Variants in THBS4 observed in about 807,000 individuals in gnomAD.
THBS4 encodes thrombospondin-4.
THBS4 carries 90 observed loss-of-function variants against 115.7 expected under a neutral mutation model. The ratio of observed to expected loss-of-function variants is 0.78; its 90% confidence interval spans 0.66 to 0.93. The LOEUF (loss-of-function observed/expected upper bound fraction) is 0.93, where lower values mean the gene tolerates loss of function less well. Among genes scored for constraint, THBS4 ranks in the 40% least tolerant of loss-of-function variants. The pLI is 0.00. For synonymous variants in THBS4, 460 were observed against 479.3 expected (o/e 0.96, Z 0.53); for missense variants, 1,087 against 1,232.7 (o/e 0.88, Z 1.77).
At chr5:80,021,001 A>G (rs1423154046) in intron 2 of THBS4, among the ~76,000 whole-genome samples, 1 of 152,234 alleles carries the variant, frequency 6.6e-6, no homozygotes, top group African/African-American at 2.4e-5. Context: ...CCTAAAATTG[A>G]ATTAACACAA....
intron 2 of THBS4, among the ~76,000 whole-genome samples, chr5:80,016,967 A>G (rs372062739): frequency 6.6e-6 from 1 of 152,240 alleles, no homozygotes; most frequent in South Asian, 2.1e-4. Context: ...GATCCATTCA[A>G]TTATGTTGGT....
chr5:80,025,747 T>A (rs932888737), intron 2 of THBS4, among the ~76,000 whole-genome samples: 2 of 152,176 alleles, frequency 1.3e-5, no homozygotes, highest in Non-Finnish European at 1.5e-5. Flanking sequence ...CACCTGTCCT[T>A]CTGAGGTCCT....
chr5:80,041,870 T>G (rs1197343600), intron 2 of THBS4, among the ~76,000 whole-genome samples: 2 of 152,252 alleles, frequency 1.3e-5, no homozygotes, highest in Non-Finnish European at 2.9e-5. Context: ...GGACACTTCC[T>G]AGTGCTTCAA....
rs1743417090 is a variant in THBS4, at chr5:80,080,147, TTC to T, written c.2684+71_2684+72del. On this transcript the variant is annotated intron_variant, in intron 20 of 21. Coordinates refer to ENST00000350881, the MANE Select transcript of THBS4 (RefSeq NM_003248.6). ...ATTCTCCGTTCTGCATCCCAGAGCCTTCATTTCCCTGAGCAATTCTGACCTAG... is the reference window on the plus strand; with the variant it reads ...ATTCTCCGTTCTGCATCCCAGAGCCTATTTCCCTGAGCAATTCTGACCTAG... 5 of 1,506,738 alleles carry T rather than the reference TTC, an allele frequency of 3.3e-6. No individual in the cohort carries two copies. In the African/African-American group the frequency reaches 6.9e-5, roughly 21 times the overall value. 93.3% of individuals were successfully genotyped at this position (1,506,738 alleles called of 1,614,324 possible). A position where few individuals can be genotyped will look rare whatever the true frequency, so the allele number is the denominator to read the frequency against.
At position 80,056,789 on chromosome 5, in the gene THBS4, C is replaced by T. The variant is rs543275742; in HGVS notation, c.540+757C>T. Among the ~76,000 whole-genome samples, 22 of 152,206 alleles carry T rather than the reference C, an allele frequency of 1.4e-4. No individual in the cohort carries two copies. In the East Asian group the frequency reaches 4.2e-3, roughly 29 times the overall value. ...GTAACTATGTTCTTCTGTAATGGTCCATATTATTTTTGTCTGCTACCTCTC... is the reference window on the plus strand; with the variant it reads ...GTAACTATGTTCTTCTGTAATGGTCTATATTATTTTTGTCTGCTACCTCTC... On this transcript the variant is annotated intron_variant, in intron 3 of 21. Transcript: ENST00000350881.
intron 2 of THBS4, among the ~76,000 whole-genome samples, chr5:80,023,403 AG>A (rs1832416933): frequency 6.6e-6 from 1 of 152,218 alleles, no homozygotes; most frequent in African/African-American, 2.4e-5. Context: ...ACTTGTAGTC[AG>A]GGCAATTAAA....
intron 8 of THBS4, among the ~76,000 whole-genome samples, chr5:80,064,802 C>T (rs1318410753): frequency 6.6e-6 from 1 of 150,972 alleles, no homozygotes; most frequent in Non-Finnish European, 1.5e-5. Flanking sequence ...ACAAATAAAA[C>T]TTTTATCAAT....
At chr5:80,002,696 T>C (rs1831926609) in intron 2 of THBS4, among the ~76,000 whole-genome samples, 1 of 148,276 alleles carries the variant, frequency 6.7e-6, no homozygotes, top group African/African-American at 2.5e-5. Flanking sequence ...AGTCCTGTAA[T>C]TGGAGATAGT....
At chr5:80,000,945 T>C (rs2151149714) in intron 2 of THBS4, among the ~76,000 whole-genome samples, 1 of 152,318 alleles carries the variant, frequency 6.6e-6, no homozygotes, top group South Asian at 2.1e-4. Flanking sequence ...TATATGTAGA[T>C]GTCTTCATTA....
chr5:80,045,497 G>C (rs1833032646), intron 2 of THBS4, among the ~76,000 whole-genome samples: 1 of 151,680 alleles, frequency 6.6e-6, no homozygotes, highest in South Asian at 2.1e-4. Flanking sequence ...AAAAAATGAG[G>C]GGCCTCAAAC....
Position 80,078,917 on chromosome 5 carries a change from G to A in THBS4, c.2266-4G>A. 3 of 1,613,656 alleles carry A rather than the reference G, an allele frequency of 1.9e-6. No individual in the cohort carries two copies. The highest frequency in any genetic ancestry group is 1.1e-5 in the South Asian group (1 of 91,036). On this transcript the variant is annotated splice_polypyrimidine_tract_variant and splice_region_variant and intron_variant, in intron 17 of 21. Transcript: ENST00000350881. The stretch of plus-strand genomic sequence containing the variant: ...GTTCTGAACTCCCTCAACTCTCTCT[G>A]CAGGGCATGGAGATTGTACAGACCA...
intron 11 of THBS4, 48 bp downstream of exon 11, chr5:80,070,458 A>G (rs760968467): frequency 2.6e-6 from 4 of 1,556,716 alleles, no homozygotes; most frequent in Non-Finnish European, 2.7e-6. Context: ...GTGGCTTTCC[A>G]AAGTCACATC....
chr5:80,022,787 C>T (rs1022105275), intron 2 of THBS4, among the ~76,000 whole-genome samples: 1 of 152,174 alleles, frequency 6.6e-6, no homozygotes, highest in Non-Finnish European at 1.5e-5. Context: ...TTGACAAGTG[C>T]AGTACATCTC....
chr5:80,067,383 C>T (rs1833869270), intron 9 of THBS4: 1 of 151,342 alleles, frequency 6.6e-6, no homozygotes, highest in Non-Finnish European at 1.5e-5. Flanking sequence ...ATATAGTGTG[C>T]AGTGTGATAA....
At chr5:80,071,914 G>A (rs1287707223) in intron 13 of THBS4, 1 of 203,068 alleles carries the variant, frequency 4.9e-6, no homozygotes, top group Non-Finnish European at 1.0e-5. Flanking sequence ...GGACACAATG[G>A]ACCCAGCTCC....
At chr5:80,010,423 A>G (rs1832100849) in intron 2 of THBS4, among the ~76,000 whole-genome samples, 1 of 152,228 alleles carries the variant, frequency 6.6e-6, no homozygotes, top group African/African-American at 2.4e-5. Context: ...GAAGCCATCT[A>G]AATAAGGTAC....
At chr5:80,036,812 C>G (rs1256801821) in intron 1 of THBS4, among the ~76,000 whole-genome samples, 1 of 152,170 alleles carries the variant, frequency 6.6e-6, no homozygotes, top group Admixed American at 6.6e-5. Context: ...GGAAGAGACG[C>G]ACAACTTGAA....
chr5:80,003,545 C>T (rs1331065035), intron 2 of THBS4, among the ~76,000 whole-genome samples: 2 of 152,150 alleles, frequency 1.3e-5, no homozygotes, highest in African/African-American at 4.8e-5. Context: ...CTCATCTCTA[C>T]TTCCCAGCCA....
chr5:80,065,727 T>C (rs1419098317), intron 9 of THBS4, among the ~76,000 whole-genome samples: 1 of 152,236 alleles, frequency 6.6e-6, no homozygotes, highest in Non-Finnish European at 1.5e-5. Context: ...ATTAGGCTAT[T>C]AGATAACTAT....
Sources: gnomAD v4.1 joint callset for allele counts (sites outside exome capture counted in the v4.1 genomes callset) on GRCh38, gnomAD v4.1.1 for gene constraint, MANE v1.5 for transcripts, NCBI Gene and HGNC (gene_info 2026-07-23, HGNC 2026-07-21) for gene names.